Variants in ZNF420 observed in about 807,000 individuals in gnomAD.
ZNF420 encodes ATM and p53-associated KZNF protein.
A neutral mutation model predicts 44.7 loss-of-function variants in ZNF420; 31 were observed. The ratio of observed to expected loss-of-function variants is 0.69; its 90% CI spans 0.52 to 0.94. The LOEUF is 0.94. Ranked by LOEUF, ZNF420 falls within the 40% of genes least tolerant of loss-of-function variation. The pLI, the probability that ZNF420 is intolerant of heterozygous loss-of-function variation, is 0.00. For missense variants in ZNF420, 681 were observed against 827.9 expected (o/e 0.82, Z 2.18); for synonymous variants, 245 against 267.4 (o/e 0.92, Z 0.82).
At chr19:37,082,634 A>C (rs1876898454) in intron 2 of ZNF420, among the ~76,000 whole-genome samples, 1 of 152,198 alleles carries the variant, frequency 6.6e-6, no homozygotes, top group South Asian at 2.1e-4. Context: ...ACAGAGTTTC[A>C]AAATAACAAT....
At chr19:37,055,239 A>T (rs1967717495) in intron 1 of ZNF420, among the ~76,000 whole-genome samples, 1 of 152,176 alleles carries the variant, frequency 6.6e-6, no homozygotes, top group Non-Finnish European at 1.5e-5. Context: ...GAAGAAAAGT[A>T]GTTCAGTGAG....
At chr19:37,016,979 G>A (rs2074613371) in intron 1 of ZNF420, among the ~76,000 whole-genome samples, 1 of 152,214 alleles carries the variant, frequency 6.6e-6, no homozygotes, top group Non-Finnish European at 1.5e-5. Context: ...AAGGCTCCCA[G>A]AGAGAGACTT....
chr19:37,060,448 C>T (rs1296845185), intron 1 of ZNF420, among the ~76,000 whole-genome samples: 1 of 152,152 alleles, frequency 6.6e-6, no homozygotes, highest in African/African-American at 2.4e-5. Flanking sequence ...TGGGCTCTGG[C>T]CTCTGCTCTG....
chr19:37,064,637 G>C (rs1218447850), intron 1 of ZNF420, among the ~76,000 whole-genome samples: 2 of 152,138 alleles, frequency 1.3e-5, no homozygotes, highest in Non-Finnish European at 2.9e-5. Flanking sequence ...GTCCCCCCTA[G>C]AAGAAGCCAC....
At chr19:37,037,511 G>A (rs1241625757) in intron 1 of ZNF420, among the ~76,000 whole-genome samples, 1 of 152,200 alleles carries the variant, frequency 6.6e-6, no homozygotes, top group Admixed American at 6.5e-5. Flanking sequence ...TTATTTTGGA[G>A]ATTATAGGAT....
rs1201039065 is a variant in ZNF420 at position 37,012,764 on chromosome 19, CTCTGTGTGTGTGTGTGTGTG to C, written c.-125+4684_-125+4703del. On this transcript the variant is annotated intron_variant, in intron 1 of 4. Coordinates refer to the ZNF420 transcript ENST00000587029. ...GTGCTTCTGTGCCACTGCTATATGT[CTCTGTGTGTGTGTGTGTGTG>C]TGTGTGTGTGTGTGTGTGTGTGTGT... Among the ~76,000 whole-genome samples the C allele has an allele frequency of 2.6e-3, 349 of 132,364 alleles. 1 individual carries two copies. The highest frequency in any genetic ancestry group is 3.9e-3 in the Non-Finnish European group (238 of 61,716). The allele number at this position is 132,364 out of a possible 152,430, so 86.8% of individuals were successfully genotyped here.
intron 4 of ZNF420, chr19:37,111,422 G>C (rs1970381412): frequency 6.6e-6 from 1 of 152,154 alleles, no homozygotes; most frequent in African/African-American, 2.4e-5. Context: ...TGTTTTTAAT[G>C]TGCCTTTTCT....
intron 2 of ZNF420, among the ~76,000 whole-genome samples, chr19:37,086,372 G>C (rs1968782595): frequency 6.6e-6 from 1 of 152,160 alleles, no homozygotes; most frequent in African/African-American, 2.4e-5. Context: ...TGACTACTAA[G>C]TGATTAAAGG....
intron 1 of ZNF420, among the ~76,000 whole-genome samples, chr19:37,062,460 C>CT (rs1967895199): frequency 6.6e-6 from 1 of 152,174 alleles, no homozygotes; most frequent in Non-Finnish European, 1.5e-5. Flanking sequence ...AATTAATAGG[C>CT]TTTTTTATGA....
In ZNF420 at chr19:37,026,941, A is replaced by T. The variant is rs572141249; in HGVS notation, c.-125+18859A>T. ...GTTCACAAATACAAATAGTCAACAAAGAAAGCCAAAACCTACGATCTCTGA... is the reference window on the plus strand; with the variant it reads ...GTTCACAAATACAAATAGTCAACAATGAAAGCCAAAACCTACGATCTCTGA... On this transcript the variant is annotated intron_variant, in intron 1 of 4. Coordinates refer to the ZNF420 transcript ENST00000587029. Among the ~76,000 whole-genome samples, 7 of 152,382 alleles carry T rather than the reference A, an allele frequency of 4.6e-5. No individual in the cohort carries two copies. In the South Asian group the frequency reaches 1.4e-3, roughly 32 times the overall value.
intron 1 of ZNF420, among the ~76,000 whole-genome samples, chr19:37,059,603 C>G (rs1967832372): frequency 6.6e-6 from 1 of 152,156 alleles, no homozygotes; most frequent in Non-Finnish European, 1.5e-5. Context: ...ATCCCAGGCT[C>G]AGGCCTGCCC....
upstream of ZNF420, among the ~76,000 whole-genome samples, chr19:37,074,139 A>G (rs1387792272): frequency 6.6e-6 from 1 of 152,200 alleles, no homozygotes; most frequent in Non-Finnish European, 1.5e-5. Flanking sequence ...GTAAAAGGCT[A>G]TTTGGGAAAT....
At chr19:37,021,419 C>A (rs2074647642) in intron 1 of ZNF420, among the ~76,000 whole-genome samples, 1 of 152,086 alleles carries the variant, frequency 6.6e-6, no homozygotes, top group Non-Finnish European at 1.5e-5. Context: ...AGGCATATGC[C>A]ACCACACCCA....
intron 1 of ZNF420, among the ~76,000 whole-genome samples, chr19:37,028,438 T>C (rs1318883276): frequency 6.6e-6 from 1 of 152,216 alleles, no homozygotes; most frequent in Non-Finnish European, 1.5e-5. Flanking sequence ...ATGTTTTGAC[T>C]GAAAGGTCAT....
chr19:37,011,777 C>G (rs2074571114), intron 1 of ZNF420, among the ~76,000 whole-genome samples: 1 of 152,236 alleles, frequency 6.6e-6, no homozygotes, highest in Admixed American at 6.5e-5. Flanking sequence ...ACACACTCAC[C>G]CCATCTGTTC....
chr19:37,031,294 G>A (rs1056179051), intron 1 of ZNF420, among the ~76,000 whole-genome samples: 2 of 152,142 alleles, frequency 1.3e-5, no homozygotes, highest in African/African-American at 4.8e-5. Flanking sequence ...AAACAAAGAT[G>A]TGGATACATT....
At chr19:37,074,266 A>G (rs1568437717), upstream of ZNF420, among the ~76,000 whole-genome samples, 2 of 152,234 alleles carry the variant, frequency 1.3e-5, no homozygotes, top group Admixed American at 6.5e-5. Context: ...ATTTAGTATC[A>G]TTGGTAATGG....
Position 37,128,329 on chromosome 19 carries a change from C to G in ZNF420, c.1338C>G (p.Pro446=), listed in dbSNP as rs1971476019. 1.2e-6 allele frequency: 2 copies of G among 1,613,468 alleles called. No individual in the cohort carries two copies. The highest frequency in any genetic ancestry group is 1.7e-6 in the Non-Finnish European group (2 of 1,179,842). Residue 446 remains proline, a synonymous_variant, in exon 5 of 5, where the codon CCC becomes CCG. Transcript: ENST00000337995. ...RHQRIHTGEK[P]YECKECGKTF... ...AGAGGATTCATACTGGTGAGAAACC[C>G]TATGAATGTAAAGAATGTGGAAAAA...
At chr19:37,109,199 G>A (rs1168016452) in intron 4 of ZNF420, among the ~76,000 whole-genome samples, 2 of 152,130 alleles carry the variant, frequency 1.3e-5, no homozygotes, top group Non-Finnish European at 2.9e-5. Context: ...AATATTTATC[G>A]TCATTCCTTC....
Sources: allele counts gnomAD v4.1 joint callset (sites outside exome capture counted in the v4.1 genomes callset), GRCh38; gene constraint gnomAD v4.1.1; transcripts MANE v1.5; gene names NCBI Gene and HGNC (gene_info 2026-07-23, HGNC 2026-07-21).